NEDD1: variants seen among roughly 807,000 people sequenced by gnomAD.
NEDD1 encodes the protein protein NEDD1.
A neutral mutation model predicts 74.0 loss-of-function variants in NEDD1; 33 were observed. That is an observed-to-expected ratio of 0.45 (90% CI 0.34 to 0.60). The LOEUF (loss-of-function observed/expected upper bound fraction) is 0.60, where lower values mean the gene tolerates loss of function less well. Ranked by LOEUF, NEDD1 falls within the 20% of genes least tolerant of loss-of-function variation. The probability of loss-of-function intolerance (pLI) is 0.01; values close to 1 mark genes in which losing one functional copy is unlikely to be tolerated. For synonymous variants in NEDD1, 250 were observed against 264.4 expected (o/e 0.95, Z 0.53); for missense variants, 746 against 776.5 (o/e 0.96, Z 0.47).
intron 14 of NEDD1, among the ~76,000 whole-genome samples, chr12:96,951,089 C>A (rs945337952): frequency 6.6e-6 from 1 of 151,704 alleles, no homozygotes; most frequent in Admixed American, 6.6e-5. Flanking sequence ...TCGGAGAGTT[C>A]AGGGGTTAAA....
At chr12:96,923,691 A>G (rs1374766835) in intron 6 of NEDD1, among the ~76,000 whole-genome samples, 4 of 151,456 alleles carry the variant, frequency 2.6e-5, no homozygotes, top group Non-Finnish European at 4.4e-5. Flanking sequence ...TTTATTTATA[A>G]TTTCTTATGT....
rs761172246 is a variant in NEDD1 at position 96,907,585 on chromosome 12, A to G, written c.-261-19A>G. ...TCTGTCTCCTTTTTTGTCAACCTCA[A>G]GTACTTTTCTTTTGGCAGGTACTTG... On this transcript the variant is annotated intron_variant, in intron 1 of 15. Transcript: ENST00000266742. 8 of 1,550,414 alleles carry G rather than the reference A, an allele frequency of 5.2e-6. No individual in the cohort carries two copies. In the South Asian group the frequency reaches 5.9e-5, roughly 12 times the overall value.
chr12:96,938,158 C>G (rs1011919920), intron 9 of NEDD1, among the ~76,000 whole-genome samples: 1 of 151,322 alleles, frequency 6.6e-6, no homozygotes, highest in Admixed American at 6.6e-5. Flanking sequence ...TTGCTATTTC[C>G]AAGTAGAAGC....
intron 9 of NEDD1, among the ~76,000 whole-genome samples, chr12:96,937,926 T>A (rs12815751): frequency 0.3 from 46,186 of 151,742 alleles, 7,815 homozygotes; most frequent in East Asian, 0.42. Context: ...TTGCTCACAA[T>A]AAAAAAATAT....
chr12:96,927,293 G>A (rs79772654), intron 6 of NEDD1, among the ~76,000 whole-genome samples: 1,528 of 152,294 alleles, frequency 0.01, 68 homozygotes, highest in East Asian at 0.095. Context: ...ATACTGAATT[G>A]TATATATTGA....
intron 10 of NEDD1, among the ~76,000 whole-genome samples, chr12:96,941,658 A>C (rs990800026): frequency 5.3e-5 from 8 of 152,208 alleles, no homozygotes; most frequent in African/African-American, 1.7e-4. Context: ...GAACTTTTGC[A>C]TTGAAGAATG....
At chr12:96,912,514 A>G (rs1203106309) in intron 3 of NEDD1, 6 of 386,252 alleles carry the variant, frequency 1.6e-5, no homozygotes, top group Admixed American at 4.5e-5. Flanking sequence ...AGAGCCAGAA[A>G]GAAGGCTAGT....
At chr12:96,949,165 G>A (rs1372502282) in intron 14 of NEDD1, among the ~76,000 whole-genome samples, 1 of 152,138 alleles carries the variant, frequency 6.6e-6, no homozygotes, top group Non-Finnish European at 1.5e-5. Context: ...TACTCTAGAA[G>A]GAAAAACAGA....
chr12:96,951,945 C>G lies in NEDD1; in HGVS notation c.1879-4C>G, dbSNP rs1391454686. 1.4e-6 allele frequency: 2 copies of G among 1,477,598 alleles called. No individual in the cohort carries two copies. The allele number at this position is 1,477,598 out of a possible 1,614,324, so 91.5% of individuals were successfully genotyped here. A position where few individuals can be genotyped will look rare whatever the true frequency, so the allele number is the denominator to read the frequency against. Reference sequence around the variant, plus strand: ...ATTTAAAAAGCATTTTCCTGTTTTTCTAGAATGAAATGCATTCTTTGCTGG... The same window carrying G: ...ATTTAAAAAGCATTTTCCTGTTTTTGTAGAATGAAATGCATTCTTTGCTGG... On this transcript the variant is annotated splice_region_variant and splice_polypyrimidine_tract_variant and intron_variant, in intron 15 of 15. Transcript: ENST00000266742.
In NEDD1 at chr12:96,915,543, A is replaced by G. The variant is rs1000166492; in HGVS notation, c.232-2078A>G. 1.6e-4 allele frequency among the ~76,000 whole-genome samples: 25 copies of G among 152,324 alleles called. 2 individuals carry two copies. Among genetic ancestry groups the G allele is most frequent in the Admixed American group, 8.5e-4 (13 of 15,288 alleles). On this transcript the variant is annotated intron_variant, in intron 4 of 15. Transcript: ENST00000266742. ...AAGGTGAGATGATTTGCCTAAACCT[A>G]CATAGCTTGCCTTTTAACTTTTCTT...
chr12:96,923,191 G>A (rs1022075589), intron 6 of NEDD1, among the ~76,000 whole-genome samples: 1 of 152,084 alleles, frequency 6.6e-6, no homozygotes, highest in Admixed American at 6.6e-5. Context: ...TTGTTGCATG[G>A]AATAGTAGTT....
intron 6 of NEDD1, among the ~76,000 whole-genome samples, chr12:96,932,802 G>A (rs1876688545): frequency 6.6e-6 from 1 of 151,604 alleles, no homozygotes; most frequent in Non-Finnish European, 1.5e-5. Context: ...GATGGCTACT[G>A]TGTACCTGAT....
At chr12:96,935,651 C>A (rs1362208832) in intron 7 of NEDD1, among the ~76,000 whole-genome samples, 1 of 152,044 alleles carries the variant, frequency 6.6e-6, no homozygotes, top group Non-Finnish European at 1.5e-5. Flanking sequence ...TACTAAATAC[C>A]AATGGCCTAA....
rs1878806064 is a variant in NEDD1, at chr12:96,952,577, CTATT to C, written c.*525_*528del. The C allele has an allele frequency of 6.6e-6, 1 of 151,818 alleles. No homozygotes were observed. The highest frequency in any genetic ancestry group is 6.6e-5 in the Admixed American group (1 of 15,206). The allele number at this position is 151,818 out of a possible 1,614,324, so 9.4% of individuals were successfully genotyped here. A position where few individuals can be genotyped will look rare whatever the true frequency, so the allele number is the denominator to read the frequency against. On this transcript the variant is annotated 3_prime_UTR_variant, in exon 16 of 16. Coordinates refer to ENST00000266742, the MANE Select transcript of NEDD1 (RefSeq NM_152905.4). ...GTTAACTTGATGAAGTCAAGTATGA[CTATT>C]ATTTATTGTACATTTGATAAGACAA...
intron 14 of NEDD1, among the ~76,000 whole-genome samples, chr12:96,947,955 C>G (rs115042864): frequency 5.1e-4 from 77 of 152,294 alleles, no homozygotes; most frequent in African/African-American, 1.8e-3. Flanking sequence ...CTGCCTGGGA[C>G]GCAGTGAAGA....
At position 96,923,788 on chromosome 12, in the gene NEDD1, T is replaced by TTGTGTGTGTGTGTGTG. The variant is rs10528785; in HGVS notation, c.489+3690_489+3705dup. Among the ~76,000 whole-genome samples, 631 of 142,334 alleles carry TTGTGTGTGTGTGTGTG rather than the reference T, an allele frequency of 4.4e-3. 10 individuals carry two copies. The highest frequency in any genetic ancestry group is 7.3e-3 in the Middle Eastern group (2 of 274). The allele number at this position is 142,334 out of a possible 152,430, so 93.4% of individuals were successfully genotyped here. On this transcript the variant is annotated intron_variant, in intron 6 of 15. Coordinates refer to ENST00000266742, the MANE Select transcript of NEDD1 (RefSeq NM_152905.4). ...TGCTGTTTTACTCCTTAATACCTGTTTGTGTGTGTGTGTGTGTGTGTGTGT... is the reference window on the plus strand; with the variant it reads ...TGCTGTTTTACTCCTTAATACCTGTTTGTGTGTGTGTGTGTGTGTGTGTGTGTGTGTGTGTGTGTGT...
intron 4 of NEDD1, among the ~76,000 whole-genome samples, chr12:96,916,262 T>TA (rs56027670): frequency 6.7e-6 from 1 of 149,196 alleles, no homozygotes; most frequent in Non-Finnish European, 1.5e-5. Flanking sequence ...TTATTATTAT[T>TA]TTTAAATTAT....
chr12:96,907,301 G>C lies in NEDD1; in HGVS notation c.-262+1G>C. 3.1e-6 allele frequency: 1 copy of C among 319,230 alleles called. No homozygotes were observed. The highest frequency in any genetic ancestry group is 8.5e-5 in the South Asian group (1 of 11,724). The allele number at this position is 319,230 out of a possible 1,614,324, so 19.8% of individuals were successfully genotyped here. On this transcript the variant is annotated splice_donor_variant, in intron 1 of 15. Transcript: ENST00000266742. LOFTEE classifies it low-confidence loss of function (5UTR_SPLICE). ...CCCCCTGTTGTGTTGCTGCGGAGAG[G>C]TGAGGTTCCGGAGGCCCTGAGGTCA... is the stretch of plus-strand genomic sequence containing the variant.
intron 9 of NEDD1, 27 bp downstream of exon 9, chr12:96,937,420 G>T: frequency 7.4e-7 from 1 of 1,350,032 alleles, no homozygotes; most frequent in South Asian, 1.6e-5. Flanking sequence ...TATTGTTGGA[G>T]GGTTGGTTTG....
Sources: allele counts gnomAD v4.1 joint callset (sites outside exome capture counted in the v4.1 genomes callset), GRCh38; gene constraint gnomAD v4.1.1; transcripts MANE v1.5; gene names NCBI Gene and HGNC (gene_info 2026-07-23, HGNC 2026-07-21).